The following RPN2 variants were observed in gnomAD, a reference collection of about 807,000 sequenced individuals.
RPN2 encodes ribophorin II.
RPN2 carries 29 observed loss-of-function variants against 71.4 expected under a neutral mutation model. The observed-to-expected ratio is 0.41, with a 90% CI of 0.30 to 0.55. The LOEUF (loss-of-function observed/expected upper bound fraction) is 0.55, where lower values mean the gene tolerates loss of function less well. Among genes scored for constraint, RPN2 ranks in the 20% least tolerant of loss-of-function variants. RPN2 has a pLI of 0.35. For missense variants in RPN2, 726 were observed against 774.1 expected, an observed-to-expected ratio of 0.94 and a Z score of 0.74; for synonymous variants, 308 against 305.0, an observed-to-expected ratio of 1.01 and a Z score of -0.10.
At chr20:37,206,726 TCAGA>T (rs898491996) in intron 6 of RPN2, among the ~76,000 whole-genome samples, 2 of 152,168 alleles carry the variant, frequency 1.3e-5, no homozygotes, top group Non-Finnish European at 2.9e-5. Flanking sequence ...GATTTTTTTT[TCAGA>T]CAGAGTCTTT....
intron 1 of RPN2, among the ~76,000 whole-genome samples, chr20:37,181,528 C>T (rs2066883681): frequency 6.6e-6 from 1 of 150,842 alleles, no homozygotes; most frequent in Non-Finnish European, 1.5e-5. Context: ...AAGTGATTCT[C>T]GTGCTTCAGC....
chr20:37,203,864 G>C lies in RPN2; in HGVS notation c.480-21G>C, dbSNP rs200329137. On this transcript the variant is annotated intron_variant, in intron 4 of 16. Transcript: ENST00000237530. ...GAAACAAGACTTGCCATTCATTGGG[G>C]TTCTACTCTTTACCTTCCAGAACAG... 17 of 1,591,292 alleles carry C rather than the reference G, an allele frequency of 1.1e-5. No homozygotes were observed. The East Asian group carries it at 3.8e-4, about 36-fold the overall frequency.
intron 4 of RPN2, among the ~76,000 whole-genome samples, chr20:37,203,632 G>A (rs1025990403): frequency 1.3e-5 from 2 of 152,182 alleles, no homozygotes; most frequent in Non-Finnish European, 2.9e-5. Flanking sequence ...GTGAGCCACT[G>A]CGCCCAGCCC....
intron 6 of RPN2, 42 bp downstream of exon 6, chr20:37,204,943 C>T (rs766514628): frequency 1.9e-6 from 3 of 1,613,736 alleles, no homozygotes; most frequent in East Asian, 4.5e-5. Context: ...CCAAAGGGGT[C>T]ATCAGCTGTA....
At chr20:37,231,630 T>C (rs950088805) in intron 13 of RPN2, among the ~76,000 whole-genome samples, 3 of 151,734 alleles carry the variant, frequency 2.0e-5, no homozygotes, top group Non-Finnish European at 4.4e-5. Context: ...GAGGATCTTT[T>C]GAGCCCAGGT....
chr20:37,182,561 T>A (rs1358573094), intron 1 of RPN2, among the ~76,000 whole-genome samples: 2 of 152,020 alleles, frequency 1.3e-5, no homozygotes, highest in Non-Finnish European at 1.5e-5. Context: ...TGGCTAATTT[T>A]TGTATTTTCT....
chr20:37,234,226 C>T, intron 15 of RPN2, 131 bp downstream of exon 15: 1 of 921,206 alleles, frequency 1.1e-6, no homozygotes, highest in South Asian at 1.4e-5. Context: ...CCCTCTTCCT[C>T]CTGGCCTTTT....
At chr20:37,204,337 C>G (rs1382605621) in intron 5 of RPN2, among the ~76,000 whole-genome samples, 2 of 152,180 alleles carry the variant, frequency 1.3e-5, no homozygotes, top group African/African-American at 2.4e-5. Context: ...CAGTATGTCT[C>G]TCTTTGTCTT....
intron 8 of RPN2, among the ~76,000 whole-genome samples, chr20:37,211,698 A>G (rs2067673513): frequency 6.6e-6 from 1 of 150,950 alleles, no homozygotes; most frequent in African/African-American, 2.4e-5. Context: ...TGTGCCACAA[A>G]CTTTTTTTTA....
chr20:37,219,028 A>T (rs1397222835), intron 9 of RPN2, among the ~76,000 whole-genome samples: 1 of 152,126 alleles, frequency 6.6e-6, no homozygotes, highest in Non-Finnish European at 1.5e-5. Context: ...TGGTTCTTTC[A>T]GGTATATGCT....
At position 37,214,749 on chromosome 20, in the gene RPN2, G is replaced by A. The variant is rs1236698259; in HGVS notation, c.1092+884G>A. Among the ~76,000 whole-genome samples the A allele has an allele frequency of 2.0e-5, 3 of 152,242 alleles. No homozygotes were observed. In the East Asian group the frequency reaches 5.8e-4, roughly 29 times the overall value. ...CTCAGAACAAGAAGTATATGATGTC[G>A]ATATGTCTTATTACAGGTCATGTTA... On this transcript the variant is annotated intron_variant, in intron 9 of 16. Coordinates refer to ENST00000237530, the MANE Select transcript of RPN2 (RefSeq NM_002951.5).
intron 3 of RPN2, 49 bp from the exon 4 acceptor site, chr20:37,199,001 A>C (rs374512118): frequency 6.6e-7 from 1 of 1,506,888 alleles, no homozygotes; most frequent in Non-Finnish European, 9.2e-7. Flanking sequence ...GCCTGCCACA[A>C]ATTGCCAAGA....
chr20:37,227,999 C>G (rs927568061), intron 11 of RPN2, among the ~76,000 whole-genome samples: 22 of 152,196 alleles, frequency 1.4e-4, no homozygotes, highest in African/African-American at 5.3e-4. Context: ...GTAACTTGCT[C>G]AGCTAATAAG....
intron 9 of RPN2, among the ~76,000 whole-genome samples, chr20:37,216,488 G>A (rs865827546): frequency 1.3e-4 from 19 of 150,882 alleles, no homozygotes; most frequent in Middle Eastern, 6.8e-3. Context: ...TTGAGACAGA[G>A]TCTCGCTCTG....
chr20:37,193,701 G>A (rs1188483709), intron 2 of RPN2, among the ~76,000 whole-genome samples: 1 of 152,158 alleles, frequency 6.6e-6, no homozygotes, highest in Non-Finnish European at 1.5e-5. Context: ...GGGTAGTTGG[G>A]CCATTCCATG....
At position 37,210,178 on chromosome 20, in the gene RPN2, C is replaced by T. The variant is rs1555888418; in HGVS notation, c.986+13C>T. 1 of 1,613,520 alleles carries T rather than the reference C, an allele frequency of 6.2e-7. No homozygotes were observed. Among genetic ancestry groups the T allele is most frequent in the South Asian group, 1.1e-5 (1 of 91,054 alleles). Reference sequence around the variant, plus strand: ...TCACCCCTGTAGGGTAAGTCCTGATCATATTTTGGTGGGGCGCTGACCTCT... The same window carrying T: ...TCACCCCTGTAGGGTAAGTCCTGATTATATTTTGGTGGGGCGCTGACCTCT... On this transcript the variant is annotated intron_variant, in intron 8 of 16. Transcript: ENST00000237530.
chr20:37,220,775 T>A (rs2067934720), intron 9 of RPN2, among the ~76,000 whole-genome samples: 1 of 152,198 alleles, frequency 6.6e-6, no homozygotes, highest in South Asian at 2.1e-4. Context: ...ATTTCTAAAT[T>A]TGCTTTAAAA....
At chr20:37,196,794 G>A (rs759593662) in intron 2 of RPN2, among the ~76,000 whole-genome samples, 2 of 152,240 alleles carry the variant, frequency 1.3e-5, no homozygotes, top group Admixed American at 6.5e-5. Flanking sequence ...TGGAGTCGAG[G>A]AGAGTCGTAG....
intron 1 of RPN2, among the ~76,000 whole-genome samples, chr20:37,183,348 T>G (rs892566198): frequency 6.6e-6 from 1 of 152,182 alleles, no homozygotes; most frequent in Non-Finnish European, 1.5e-5. Context: ...CCCAAGTAGC[T>G]GGGATTACAG....
Sources: allele counts gnomAD v4.1 joint callset (sites outside exome capture counted in the v4.1 genomes callset), GRCh38; gene constraint gnomAD v4.1.1; transcripts MANE v1.5; gene names NCBI Gene and HGNC (gene_info 2026-07-23, HGNC 2026-07-21).